The following LRRC7 variants were observed in gnomAD, a reference collection of about 807,000 sequenced individuals.
LRRC7 encodes leucine rich repeat containing 7, also known as leucine-rich repeat-containing protein 7.
A neutral mutation model predicts 175.7 loss-of-function variants in LRRC7; 23 were observed. The ratio of observed to expected loss-of-function variants is 0.13; its 90% confidence interval spans 0.09 to 0.19. The LOEUF (loss-of-function observed/expected upper bound fraction) is 0.19, where lower values mean the gene tolerates loss of function less well. Ranked by LOEUF, LRRC7 falls within the 10% of genes least tolerant of loss-of-function variation. The probability of loss-of-function intolerance (pLI) is 1.00; values close to 1 mark genes in which losing one functional copy is unlikely to be tolerated. For synonymous variants in LRRC7, 685 were observed against 680.9 expected (o/e 1.01, Z -0.09); for missense variants, 1,354 against 1,904.7 (o/e 0.71, Z 5.38).
intron 1 of LRRC7, among the ~76,000 whole-genome samples, chr1:69,608,911 CACAT>C (rs1322464769): frequency 1.1e-4 from 15 of 141,322 alleles, no homozygotes; most frequent in African/African-American, 3.6e-4. Context: ...CACACACACA[CACAT>C]ATATATAAAA....
chr1:70,038,789 G>A lies in LRRC7; in HGVS notation c.2965G>A (p.Asp989Asn), dbSNP rs754320646. The change falls in exon 21 of 27, where the codon GAT (aspartate) becomes AAT (asparagine). Residue 989 changes from aspartate to asparagine, a missense_variant. Physicochemically the swap from Asp to Asn is conservative, Grantham distance 23. This residue lies in a region of LRRC7 where 1,032 missense variants were observed against 1,227.2 expected (regional missense o/e 0.84). Coordinates refer to ENST00000651989, the MANE Select transcript of LRRC7 (RefSeq NM_001370785.2). ...TAAATTCAAAAAGTCACAGAGTATCGATGAGATTGACATTGGTACATATAA... is the reference window on the plus strand; with the variant it reads ...TAAATTCAAAAAGTCACAGAGTATCAATGAGATTGACATTGGTACATATAA... The part of the protein sequence containing the change: ...SNKFKKSQSI[D>N]EIDIGTYKVY... The A allele has an allele frequency of 6.2e-7, 1 of 1,613,952 alleles. No individual in the cohort carries two copies. Among genetic ancestry groups the A allele is most frequent in the South Asian group, 1.1e-5 (1 of 91,058 alleles).
At chr1:69,835,154 A>G (rs1289993680) in intron 6 of LRRC7, among the ~76,000 whole-genome samples, 2 of 152,000 alleles carry the variant, frequency 1.3e-5, no homozygotes, top group African/African-American at 4.8e-5. Flanking sequence ...GGAGATGAAT[A>G]TTTATGGCTC....
intron 26 of LRRC7, among the ~76,000 whole-genome samples, chr1:70,120,665 A>T (rs1183126582): frequency 2.0e-5 from 3 of 152,108 alleles, no homozygotes; most frequent in African/African-American, 7.2e-5. Flanking sequence ...AAAATAAAAA[A>T]GGCAATGTGT....
chr1:70,024,911 TTG>T (rs1470179227), intron 17 of LRRC7, among the ~76,000 whole-genome samples: 59 of 152,278 alleles, frequency 3.9e-4, no homozygotes, highest in African/African-American at 1.3e-3. Flanking sequence ...TTATAAAATA[TTG>T]TGTTACTTAG....
At chr1:69,672,645 TC>T (rs959825083) in intron 1 of LRRC7, among the ~76,000 whole-genome samples, 44 of 152,308 alleles carry the variant, frequency 2.9e-4, no homozygotes, top group African/African-American at 1.0e-3. Context: ...AACTCCCTTT[TC>T]CTCCAGTGAG....
chr1:69,935,967 T>C (rs765438811), intron 8 of LRRC7, among the ~76,000 whole-genome samples: 14 of 152,176 alleles, frequency 9.2e-5, no homozygotes, highest in Non-Finnish European at 1.5e-4. Context: ...CAAATTCATT[T>C]CTGTGGGGGG....
At chr1:69,836,361 C>T (rs562028706) in intron 6 of LRRC7, among the ~76,000 whole-genome samples, 1 of 152,146 alleles carries the variant, frequency 6.6e-6, no homozygotes, top group South Asian at 2.1e-4. Context: ...TCCACAGAAA[C>T]TAGCCTTGCC....
At chr1:69,687,520 C>CAAAAAAAAAAAAAAAAAAAAA (rs551726376) in intron 2 of LRRC7, among the ~76,000 whole-genome samples, 17 of 96,832 alleles carry the variant, frequency 1.8e-4, no homozygotes, top group Admixed American at 3.8e-4. Context: ...AAGAAAAAAC[C>CAAAAAAAAAAAAAAAAAAAAA]AAAAAAAAAA....
chr1:69,863,569 A>C (rs1253877256), intron 7 of LRRC7, among the ~76,000 whole-genome samples: 1 of 152,222 alleles, frequency 6.6e-6, no homozygotes, highest in African/African-American at 2.4e-5. Flanking sequence ...AGGCATAGGA[A>C]ATATGGTAAT....
chr1:69,849,690 ACATGG>A (rs1230688650), intron 7 of LRRC7, among the ~76,000 whole-genome samples: 3 of 151,980 alleles, frequency 2.0e-5, no homozygotes, highest in African/African-American at 7.2e-5. Flanking sequence ...AAACCCCAAA[ACATGG>A]CATTCCAGGC....
chr1:69,975,294 C>T (rs897653748), intron 8 of LRRC7, among the ~76,000 whole-genome samples: 2 of 152,144 alleles, frequency 1.3e-5, no homozygotes, highest in African/African-American at 4.8e-5. Flanking sequence ...CATCCTCACC[C>T]ACCTACACAC....
At chr1:69,943,355 A>G (rs1648940322) in intron 8 of LRRC7, among the ~76,000 whole-genome samples, 1 of 152,168 alleles carries the variant, frequency 6.6e-6, no homozygotes, top group Non-Finnish European at 1.5e-5. Flanking sequence ...AGCCAGAAAC[A>G]AAAGGCCATG....
intron 2 of LRRC7, among the ~76,000 whole-genome samples, chr1:69,736,048 T>G (rs958876480): frequency 3.9e-5 from 6 of 152,164 alleles, no homozygotes; most frequent in African/African-American, 1.2e-4. Flanking sequence ...AATGGATACA[T>G]TTAGTAACAT....
chr1:69,771,808 T>C (rs1206886270), intron 3 of LRRC7, among the ~76,000 whole-genome samples: 1 of 152,144 alleles, frequency 6.6e-6, no homozygotes, highest in Non-Finnish European at 1.5e-5. Flanking sequence ...TGTTAGGTGA[T>C]GGCAAACGCC....
intron 1 of LRRC7, among the ~76,000 whole-genome samples, chr1:69,586,188 A>C (rs1415056281): frequency 6.6e-6 from 1 of 152,004 alleles, no homozygotes; most frequent in Non-Finnish European, 1.5e-5. Flanking sequence ...TGACCTACTT[A>C]AAAGACTTCT....
At chr1:69,717,830 GA>G (rs1321787841) in intron 2 of LRRC7, among the ~76,000 whole-genome samples, 314 of 28,352 alleles carry the variant, frequency 0.011, 37 homozygotes, top group African/African-American at 0.02. Context: ...AAGAAAGAAA[GA>G]AAGAAAGAAA....
chr1:69,700,875 G>A (rs1464578714), intron 2 of LRRC7, among the ~76,000 whole-genome samples: 1 of 152,170 alleles, frequency 6.6e-6, no homozygotes, highest in African/African-American at 2.4e-5. Context: ...GTCATGTTGT[G>A]CTGTATATCA....
At chr1:69,657,607 A>T (rs1281133681) in intron 1 of LRRC7, among the ~76,000 whole-genome samples, 1 of 151,864 alleles carries the variant, frequency 6.6e-6, no homozygotes. Flanking sequence ...ATATTGAATT[A>T]ATTTACCCTA....
At chr1:69,766,844 GA>G (rs35244966) in intron 3 of LRRC7, among the ~76,000 whole-genome samples, 49 of 152,140 alleles carry the variant, frequency 3.2e-4, no homozygotes, top group Middle Eastern at 6.8e-3. Context: ...GCTTCTACAA[GA>G]AAAAATAGGT....
Sources: allele counts gnomAD v4.1 joint callset (sites outside exome capture counted in the v4.1 genomes callset), GRCh38; gene constraint gnomAD v4.1.1; regional missense constraint gnomAD v4.1.1; transcripts MANE v1.5; gene names NCBI Gene and HGNC (gene_info 2026-07-23, HGNC 2026-07-21).